The following EFCAB8 variants were observed in gnomAD, a reference collection of about 807,000 sequenced individuals.
EFCAB8 encodes the protein EF-hand calcium-binding domain-containing protein 8.
A neutral mutation model predicts 116.3 loss-of-function variants in EFCAB8; 100 were observed. The ratio of observed to expected loss-of-function variants is 0.86; its 90% CI spans 0.73 to 1.02. The LOEUF is 1.02. Ranked by LOEUF, EFCAB8 falls within the 50% of genes least tolerant of loss-of-function variation. The pLI is 0.00. For missense variants in EFCAB8, 1,320 were observed against 1,416.9 expected (o/e 0.93, Z 1.10); for synonymous variants, 558 against 567.9 (o/e 0.98, Z 0.25).
chr20:32,912,739 C>T (rs1227230982), intron 16 of EFCAB8, 55 bp from the exon 17 acceptor site: 1 of 716,866 alleles, frequency 1.4e-6, no homozygotes, highest in Non-Finnish European at 2.6e-6. Flanking sequence ...ATTTAGGGCC[C>T]AGAGCCATTT....
chr20:32,933,933 C>T (rs1410600400), intron 22 of EFCAB8, among the ~76,000 whole-genome samples: 3 of 152,266 alleles, frequency 2.0e-5, no homozygotes, highest in South Asian at 2.1e-4. Flanking sequence ...GCCGAGGTTG[C>T]GCCACTGCAC....
rs548044020 is a variant in EFCAB8 at position 32,873,940 on chromosome 20, A to G, written c.209-1986A>G. Among the ~76,000 whole-genome samples the G allele has an allele frequency of 4.6e-5, 7 of 151,648 alleles. No individual in the cohort carries two copies. In the South Asian group the frequency reaches 8.3e-4, roughly 18 times the overall value. ...TTTTATTTTATTTATTTATTTATTG[A>G]GACAGGGTCTTACTCTGTTATCCAG... On this transcript the variant is annotated intron_variant, in intron 3 of 26. Coordinates refer to ENST00000400522, the MANE Select transcript of EFCAB8 (RefSeq NM_001143967.2).
chr20:32,929,198 T>C (rs1417426258), intron 20 of EFCAB8, among the ~76,000 whole-genome samples: 1 of 151,992 alleles, frequency 6.6e-6, no homozygotes, highest in Non-Finnish European at 1.5e-5. Flanking sequence ...GCTGGCCTCA[T>C]AGAATGAGTT....
chr20:32,909,768 G>A, intron 14 of EFCAB8, 53 bp from the exon 15 acceptor site: 2 of 991,652 alleles, frequency 2.0e-6, no homozygotes, highest in Non-Finnish European at 2.7e-6. Flanking sequence ...GCCCATCACT[G>A]TGAGCAGAGC....
Position 32,960,055 on chromosome 20 carries a change from TCC to T in EFCAB8, c.3295-7_3295-6del. On this transcript the variant is annotated splice_polypyrimidine_tract_variant and splice_region_variant and intron_variant, in intron 25 of 26. Transcript: ENST00000400522. ...CGCAGCCTTCATTCTTGGGCGTGGC[TCC>T]TGCAGGTGAGCAAAGTCTTGGGAGC... 6.4e-7 allele frequency: 1 copy of T among 1,551,650 alleles called. No homozygotes were observed. Among genetic ancestry groups the T allele is most frequent in the Non-Finnish European group, 8.7e-7 (1 of 1,146,978 alleles).
At chr20:32,876,257 T>A (rs1221977268) in intron 4 of EFCAB8, among the ~76,000 whole-genome samples, 1 of 152,198 alleles carries the variant, frequency 6.6e-6, no homozygotes, top group Non-Finnish European at 1.5e-5. Flanking sequence ...CAGGGACAAG[T>A]GTCGTTGGCC....
chr20:32,912,873 A>G lies in EFCAB8; in HGVS notation c.1856+9A>G. ...AGAATCACTCATTTCCTGTGAGTAG[A>G]AAGCATGTATGGTGAGTAGGTTCCA... On this transcript the variant is annotated intron_variant, in intron 17 of 26. Coordinates refer to ENST00000400522, the MANE Select transcript of EFCAB8 (RefSeq NM_001143967.2). 1.4e-6 allele frequency: 1 copy of G among 718,866 alleles called. No individual in the cohort carries two copies. Among genetic ancestry groups the G allele is most frequent in the Non-Finnish European group, 2.6e-6 (1 of 385,116 alleles). 44.5% of individuals were successfully genotyped at this position (718,866 alleles called of 1,614,324 possible). A position where few individuals can be genotyped will look rare whatever the true frequency, so the allele number is the denominator to read the frequency against.
intron 5 of EFCAB8, among the ~76,000 whole-genome samples, chr20:32,880,006 G>A (rs1282684608): frequency 6.6e-6 from 1 of 152,182 alleles, no homozygotes; most frequent in African/African-American, 2.4e-5. Context: ...TGGGCTGCCC[G>A]GGTCACTGGA....
chr20:32,928,209 C>T (rs1465028770), intron 20 of EFCAB8, among the ~76,000 whole-genome samples: 4 of 151,568 alleles, frequency 2.6e-5, no homozygotes, highest in Admixed American at 1.3e-4. Context: ...GATTGTTCAA[C>T]GTTAGTGTAT....
chr20:32,915,320 A>G (rs555089349), intron 17 of EFCAB8, among the ~76,000 whole-genome samples: 2 of 152,386 alleles, frequency 1.3e-5, no homozygotes, highest in South Asian at 4.1e-4. Flanking sequence ...AAATTTGCTC[A>G]GTCAAATATC....
chr20:32,870,479 T>G (rs1380909501), intron 3 of EFCAB8, among the ~76,000 whole-genome samples: 1 of 152,172 alleles, frequency 6.6e-6, no homozygotes, highest in African/African-American at 2.4e-5. Flanking sequence ...GTTATTACTG[T>G]TTTCTGTTTC....
chr20:32,924,522 C>T (rs1451560101), intron 20 of EFCAB8, among the ~76,000 whole-genome samples: 1 of 152,076 alleles, frequency 6.6e-6, no homozygotes, highest in Non-Finnish European at 1.5e-5. Flanking sequence ...TATTATTATT[C>T]CCATTTTATG....
At position 32,898,590 on chromosome 20, in the gene EFCAB8, C is replaced by T. The variant is rs1986276413; in HGVS notation, c.1055C>T (p.Thr352Ile). ...SAIEKSSLVL[T>I]ILPAKASKKP... ...ATCGAGAAGTCCTCTCTGGTGCTGA[C>T]AATATTGCCAGCCAAAGCCTCTAAG... The change falls in exon 11 of 27, where the codon ACA becomes ATA. Residue 352 changes from threonine (T) to isoleucine (I), a missense_variant. By Grantham distance (89) the Thr-to-Ile change is moderately conservative (BLOSUM62 -1). Coordinates refer to ENST00000400522, the MANE Select transcript of EFCAB8 (RefSeq NM_001143967.2). 1 of 718,398 alleles carries T rather than the reference C, an allele frequency of 1.4e-6. No homozygotes were observed. Among genetic ancestry groups the T allele is most frequent in the Non-Finnish European group, 2.6e-6 (1 of 385,100 alleles). The allele number at this position is 718,398 out of a possible 1,614,324, so 44.5% of individuals were successfully genotyped here. A position where few individuals can be genotyped will look rare whatever the true frequency, so the allele number is the denominator to read the frequency against.
At chr20:32,868,719 T>G (rs1426751810) in intron 3 of EFCAB8, among the ~76,000 whole-genome samples, 10 of 152,114 alleles carry the variant, frequency 6.6e-5, no homozygotes, top group Admixed American at 6.6e-4. Context: ...GTGTGGTGGC[T>G]CACACCTCTA....
intron 3 of EFCAB8, among the ~76,000 whole-genome samples, chr20:32,868,856 G>T (rs140873282): frequency 3.3e-5 from 5 of 152,128 alleles, no homozygotes; most frequent in African/African-American, 1.2e-4. Context: ...GTGGTGGCAC[G>T]GGCCTCTAAT....
At chr20:32,926,735 C>T (rs530942706) in intron 20 of EFCAB8, among the ~76,000 whole-genome samples, 16 of 141,570 alleles carry the variant, frequency 1.1e-4, no homozygotes, top group Non-Finnish European at 1.8e-4. Context: ...TGTTCAATTC[C>T]CACCTATGAG....
Position 32,885,482 on chromosome 20 carries a change from C to T in EFCAB8, c.432-23C>T, listed in dbSNP as rs560276343. ...CTGAGCTGTTTTTGCTTGGGCTCTT[C>T]TCTCTTTCATCGCCTCCCACAGGAA... On this transcript the variant is annotated intron_variant, in intron 5 of 26. Coordinates refer to ENST00000400522, the MANE Select transcript of EFCAB8 (RefSeq NM_001143967.2). 191 of 1,551,382 alleles carry T rather than the reference C, an allele frequency of 1.2e-4. 1 individual carries two copies. The highest frequency in any genetic ancestry group is 5.4e-4 in the South Asian group (45 of 84,022).
At chr20:32,935,664 GC>G (rs1988092663) in intron 22 of EFCAB8, among the ~76,000 whole-genome samples, 1 of 151,788 alleles carries the variant, frequency 6.6e-6, no homozygotes, top group African/African-American at 2.4e-5. Context: ...GCGCCACCAC[GC>G]CCAACTAATT....
chr20:32,911,682 C>T lies in EFCAB8; in HGVS notation c.1760C>T (p.Thr587Ile), dbSNP rs1189567194. ...TACAACATTGGCAAATGCCTGTTGA[C>T]CTTTCCCAGTCCGGAACAGCTGGAG... ...WNYNIGKCLL[T>I]FPSPEQLEIS... is the part of the protein sequence containing the mutation. Residue 587 changes from threonine (T) to isoleucine (I), a missense_variant, in exon 16 of 27, where the codon ACC becomes ATC. Coordinates refer to ENST00000400522, the MANE Select transcript of EFCAB8 (RefSeq NM_001143967.2). 1 of 1,551,626 alleles carries T rather than the reference C, an allele frequency of 6.4e-7. No individual in the cohort carries two copies. The highest frequency in any genetic ancestry group is 2.4e-5 in the East Asian group (1 of 40,934).
Sources: gnomAD v4.1 joint callset for allele counts (sites outside exome capture counted in the v4.1 genomes callset) on GRCh38, gnomAD v4.1.1 for gene constraint, MANE v1.5 for transcripts, NCBI Gene and HGNC (gene_info 2026-07-23, HGNC 2026-07-21) for gene names.